ASB16: variants seen among roughly 807,000 people sequenced by gnomAD.
ASB16 encodes the protein ankyrin repeat and SOCS box protein 16.
Under a neutral mutation model 39.1 loss-of-function variants are expected in ASB16, and 44 were observed. The ratio of observed to expected loss-of-function variants is 1.13; its 90% CI spans 0.88 to 1.45. ASB16 has a LOEUF of 1.45. ASB16 is among the 40% of genes most tolerant of loss of function. ASB16 has a pLI of 0.00. For synonymous variants in ASB16, 305 were observed against 286.7 expected, an observed-to-expected ratio of 1.06 and a Z score of -0.64; for missense variants, 698 against 634.5, an observed-to-expected ratio of 1.10 and a Z score of -1.07.
intron 2 of ASB16, among the ~76,000 whole-genome samples, chr17:44,173,879 T>A (rs1179590032): frequency 2.0e-5 from 3 of 149,570 alleles, no homozygotes; most frequent in Non-Finnish European, 4.4e-5. Flanking sequence ...AGGGCTAGAT[T>A]TTTTTTTTGG....
At chr17:44,177,880 C>T in intron 4 of ASB16, 158 bp downstream of exon 4, 2 of 993,744 alleles carry the variant, frequency 2.0e-6, no homozygotes, top group Non-Finnish European at 2.9e-6. Context: ...CCCCGGTACC[C>T]CAGGCTGACC....
In ASB16 at chr17:44,178,188, T is replaced by C; in HGVS notation, c.1177-17T>C. On this transcript the variant is annotated splice_polypyrimidine_tract_variant and intron_variant, in intron 4 of 4. Coordinates refer to ENST00000293414, the MANE Select transcript of ASB16 (RefSeq NM_080863.5). The stretch of plus-strand genomic sequence containing the variant: ...GTAGGGCAAGGGTCATCTGACCTTC[T>C]TTCACTCCTGGCCTAGGAGCACGAA... 1 of 1,611,766 alleles carries C rather than the reference T, an allele frequency of 6.2e-7. No homozygotes were observed. Among genetic ancestry groups the C allele is most frequent in the East Asian group, 2.2e-5 (1 of 44,870 alleles).
intron 1 of ASB16, among the ~76,000 whole-genome samples, chr17:44,171,824 T>G (rs999924363): frequency 1.3e-5 from 2 of 152,068 alleles, no homozygotes; most frequent in African/African-American, 4.8e-5. Flanking sequence ...CATACTATGT[T>G]TTGTTACAGA....
At chr17:44,174,494 C>A (rs2054270558) in intron 2 of ASB16, among the ~76,000 whole-genome samples, 1 of 152,106 alleles carries the variant, frequency 6.6e-6, no homozygotes, top group Non-Finnish European at 1.5e-5. Context: ...AATACACCAA[C>A]CCTCCCACTT....
intron 2 of ASB16, chr17:44,176,435 T>C (rs2054291040): frequency 4.1e-6 from 2 of 481,932 alleles, no homozygotes; most frequent in African/African-American, 4.0e-5. Context: ...CAGAGTAGAC[T>C]GTGGGAGGGA....
chr17:44,177,800 G>A (rs1449676205), intron 4 of ASB16, 78 bp downstream of exon 4: 5 of 1,554,816 alleles, frequency 3.2e-6, no homozygotes, highest in Non-Finnish European at 3.5e-6. Context: ...CTCATGGAGG[G>A]AGCAGCAGGA....
chr17:44,174,147 C>T (rs1172398256), intron 2 of ASB16, among the ~76,000 whole-genome samples: 4 of 149,646 alleles, frequency 2.7e-5, no homozygotes, highest in African/African-American at 4.9e-5. Flanking sequence ...TCCCGCCATT[C>T]TCCTGCCTGA....
rs577852673 is a variant in ASB16 at position 44,172,448 on chromosome 17, A to C, written c.569+135A>C. 6.4e-5 allele frequency: 66 copies of C among 1,036,250 alleles called. 1 individual carries two copies. The South Asian group carries it at 1.0e-3, about 16-fold the overall frequency. The allele number at this position is 1,036,250 out of a possible 1,614,324, so 64.2% of individuals were successfully genotyped here. On this transcript the variant is annotated intron_variant, in intron 2 of 4. Coordinates refer to ENST00000293414, the MANE Select transcript of ASB16 (RefSeq NM_080863.5). ...AAGCACCGCATATACACATCTTCAC[A>C]ATAACCTGGAGACACCTCATCCTAC...
intron 2 of ASB16, among the ~76,000 whole-genome samples, chr17:44,173,083 TAAAA>T (rs770273961): frequency 2.6e-5 from 2 of 77,560 alleles, no homozygotes; most frequent in Admixed American, 1.5e-4. Context: ...GAGACTGTCT[TAAAA>T]AAAAAAAAAA....
At chr17:44,174,457 A>G (rs1010214493) in intron 2 of ASB16, among the ~76,000 whole-genome samples, 2 of 152,054 alleles carry the variant, frequency 1.3e-5, no homozygotes, top group African/African-American at 4.8e-5. Context: ...CCAGCCTCCC[A>G]AAGTGTTGGG....
At position 44,171,107 on chromosome 17, in the gene ASB16, G is replaced by T. The variant is rs1414954365; in HGVS notation, c.301+17G>T. 9 of 1,601,160 alleles carry T rather than the reference G, an allele frequency of 5.6e-6. No individual in the cohort carries two copies. The highest frequency in any genetic ancestry group is 7.7e-6 in the Non-Finnish European group (9 of 1,172,108). ...CTGAACAGGGTAGGGGGCACCAGAAGAGGGCAGAAGAGGAGGGAGAAAGAA... is the reference window on the plus strand; with the variant it reads ...CTGAACAGGGTAGGGGGCACCAGAATAGGGCAGAAGAGGAGGGAGAAAGAA... On this transcript the variant is annotated intron_variant, in intron 1 of 4. Coordinates refer to ENST00000293414, the MANE Select transcript of ASB16 (RefSeq NM_080863.5).
At chr17:44,178,090 A>G (rs1226071875) in intron 4 of ASB16, 115 bp from the exon 5 acceptor site, 14 of 1,084,376 alleles carry the variant, frequency 1.3e-5, no homozygotes, top group Non-Finnish European at 1.9e-5. Flanking sequence ...GAGTCCTTTG[A>G]GACACATGAA....
At chr17:44,177,757 G>A (rs1338106904) in intron 4 of ASB16, 35 bp downstream of exon 4, 4 of 1,604,340 alleles carry the variant, frequency 2.5e-6, no homozygotes, top group East Asian at 2.2e-5. Flanking sequence ...GGGGAGGAGG[G>A]ACGAGCCACA....
rs192236945 is a variant in ASB16 at position 44,178,272 on chromosome 17, C to T, written c.1244C>T (p.Ala415Val). 1.9e-6 allele frequency: 3 copies of T among 1,613,430 alleles called. No homozygotes were observed. The Admixed American group carries it at 5.0e-5, about 27-fold the overall frequency. ...VNQPRQLQHL[A>V]RLAVRARLGS... is the part of the protein sequence containing the mutation. Reference sequence around the variant, plus strand: ...CAGCCAAGGCAGCTGCAGCACCTGGCCCGACTAGCTGTGCGCGCTCGGTTG... The same window carrying T: ...CAGCCAAGGCAGCTGCAGCACCTGGTCCGACTAGCTGTGCGCGCTCGGTTG... The change falls in exon 5 of 5, where the codon GCC (alanine) becomes GTC (valine). Residue 415 changes from alanine (A) to valine (V), a missense_variant. Transcript: ENST00000293414.
In ASB16 at chr17:44,177,140, G is replaced by A. The variant is rs199949093; in HGVS notation, c.972G>A (p.Ala324=). 3,429 of 1,515,744 alleles carry A rather than the reference G, an allele frequency of 2.3e-3. 8 individuals are homozygous for A. The highest frequency in any genetic ancestry group is 2.3e-3 in the Non-Finnish European group (2,659 of 1,135,296). The allele number at this position is 1,515,744 out of a possible 1,614,324, so 93.9% of individuals were successfully genotyped here. ...CGGGCCACACGCCCATGGACTGTGC[G>A]CTGCAGGCCGTCCAGGACTCCCCCA... ...NGAGHTPMDC[A]LQAVQDSPNW... Residue 324 remains alanine, a synonymous_variant, in exon 3 of 5, where the codon GCG becomes GCA. Transcript: ENST00000293414.
intron 4 of ASB16, 101 bp from the exon 5 acceptor site, chr17:44,178,104 C>A: frequency 8.0e-7 from 1 of 1,257,310 alleles, no homozygotes. Context: ...ACATGAAACA[C>A]CCAGGTGGGT....
At chr17:44,177,809 G>A (rs2144194251) in intron 4 of ASB16, 87 bp downstream of exon 4, 1 of 1,543,502 alleles carries the variant, frequency 6.5e-7, no homozygotes, top group East Asian at 2.3e-5. Context: ...GGAGCAGCAG[G>A]AGGGCCCCTG....
At chr17:44,171,902 C>G in intron 1 of ASB16, 144 bp from the exon 2 acceptor site, 1 of 790,232 alleles carries the variant, frequency 1.3e-6, no homozygotes, top group Non-Finnish European at 2.0e-6. Flanking sequence ...AAGCCCCCTT[C>G]CACAGGTACA....
chr17:44,174,261 G>A (rs2054268384), intron 2 of ASB16, among the ~76,000 whole-genome samples: 1 of 151,992 alleles, frequency 6.6e-6, no homozygotes, highest in Non-Finnish European at 1.5e-5. Context: ...TAGCCAGGAT[G>A]GTCTTGATCT....
Sources: allele counts gnomAD v4.1 joint callset (sites outside exome capture counted in the v4.1 genomes callset), GRCh38; gene constraint gnomAD v4.1.1; transcripts MANE v1.5; gene names NCBI Gene and HGNC (gene_info 2026-07-23, HGNC 2026-07-21).